PCDH9: variants seen among roughly 807,000 people sequenced by gnomAD.
PCDH9 encodes the protein protocadherin-9.
In PCDH9, 24 loss-of-function variants were observed where a neutral mutation model predicts 70.6. The observed-to-expected ratio is 0.34, with a 90% CI of 0.25 to 0.48. The LOEUF (loss-of-function observed/expected upper bound fraction) is 0.48, where lower values mean the gene tolerates loss of function less well. PCDH9 is among the 20% of genes least tolerant of loss of function. PCDH9 has a pLI of 0.99. For missense variants in PCDH9, 1,281 were observed against 1,503.6 expected (o/e 0.85, Z 2.45); for synonymous variants, 562 against 558.5 (o/e 1.01, Z -0.09).
intron 4 of PCDH9, among the ~76,000 whole-genome samples, chr13:66,434,665 T>C (rs942643207): frequency 4.6e-5 from 7 of 152,044 alleles, no homozygotes; most frequent in African/African-American, 1.7e-4. Context: ...TTAAAATATA[T>C]GTATGTTTGT....
intron 2 of PCDH9, among the ~76,000 whole-genome samples, chr13:66,982,797 T>G (rs1474761701): frequency 6.6e-6 from 1 of 152,180 alleles, no homozygotes; most frequent in Non-Finnish European, 1.5e-5. Context: ...GCTGGCAACA[T>G]TTGTTTCTTA....
chr13:67,202,999 A>G (rs2089254679), intron 2 of PCDH9: 1 of 152,122 alleles, frequency 6.6e-6, no homozygotes, highest in Non-Finnish European at 1.5e-5. Context: ...TTAATGAAGC[A>G]AATCTCTAGG....
At chr13:66,553,657 T>A (rs145380798) in intron 4 of PCDH9, among the ~76,000 whole-genome samples, 61 of 152,264 alleles carry the variant, frequency 4.0e-4, no homozygotes, top group African/African-American at 1.4e-3. Flanking sequence ...TTGTGTTAAA[T>A]TATTTGGAAA....
chr13:66,751,298 T>A (rs1310262566), intron 3 of PCDH9, among the ~76,000 whole-genome samples: 1 of 152,168 alleles, frequency 6.6e-6, no homozygotes, highest in Admixed American at 6.6e-5. Flanking sequence ...GATCTCCCAA[T>A]GACTTCAAAG....
chr13:67,183,614 C>T (rs1041389967), intron 2 of PCDH9, among the ~76,000 whole-genome samples: 3 of 151,844 alleles, frequency 2.0e-5, no homozygotes, highest in Non-Finnish European at 4.4e-5. Context: ...ACCAAAAAAC[C>T]AAATAAGATA....
chr13:66,932,704 A>G (rs1021336992), intron 2 of PCDH9, among the ~76,000 whole-genome samples: 4 of 149,838 alleles, frequency 2.7e-5, no homozygotes, highest in Non-Finnish European at 5.9e-5. Context: ...ACGTATGTAT[A>G]TATCATACAT....
intron 4 of PCDH9, among the ~76,000 whole-genome samples, chr13:66,558,912 T>A (rs1961867517): frequency 6.6e-6 from 1 of 152,152 alleles, no homozygotes; most frequent in African/African-American, 2.4e-5. Flanking sequence ...GTAAACCAAA[T>A]GGAAGAATTC....
chr13:66,871,774 C>G (rs2081693341), intron 3 of PCDH9, among the ~76,000 whole-genome samples: 1 of 152,084 alleles, frequency 6.6e-6, no homozygotes, highest in Non-Finnish European at 1.5e-5. Context: ...AATTTTCAGA[C>G]CTATTTCCCG....
chr13:66,501,236 G>C (rs777908172), intron 4 of PCDH9, among the ~76,000 whole-genome samples: 2 of 152,002 alleles, frequency 1.3e-5, no homozygotes, highest in Non-Finnish European at 2.9e-5. Context: ...TCAAGTTCTT[G>C]CACTGCTTTC....
chr13:67,163,247 C>T (rs895999108), intron 2 of PCDH9, among the ~76,000 whole-genome samples: 10 of 152,274 alleles, frequency 6.6e-5, no homozygotes, highest in Non-Finnish European at 1.2e-4. Context: ...AAATTGCATA[C>T]ATAACTTTCT....
At chr13:67,193,464 A>C (rs76441106) in intron 2 of PCDH9, among the ~76,000 whole-genome samples, 1 of 152,206 alleles carries the variant, frequency 6.6e-6, no homozygotes, top group East Asian at 1.9e-4. Flanking sequence ...AGGTTTCATT[A>C]TATTTAACAC....
intron 4 of PCDH9, among the ~76,000 whole-genome samples, chr13:66,609,572 T>C (rs1421386454): frequency 6.6e-6 from 1 of 152,134 alleles, no homozygotes; most frequent in Non-Finnish European, 1.5e-5. Flanking sequence ...ACTTTATATA[T>C]GCATTTGGCA....
intron 2 of PCDH9, among the ~76,000 whole-genome samples, chr13:66,973,422 C>A (rs780261446): frequency 6.6e-6 from 1 of 151,858 alleles, no homozygotes; most frequent in Non-Finnish European, 1.5e-5. Context: ...AAAGAATGCT[C>A]ATGAGACTAG....
chr13:66,606,831 A>T (rs944409571), intron 4 of PCDH9, among the ~76,000 whole-genome samples: 1 of 152,056 alleles, frequency 6.6e-6, no homozygotes, highest in East Asian at 1.9e-4. Context: ...TAATACCAAA[A>T]CCATCTAAAC....
At chr13:66,892,937 A>T (rs1388334258) in intron 3 of PCDH9, among the ~76,000 whole-genome samples, 2 of 152,120 alleles carry the variant, frequency 1.3e-5, no homozygotes, top group Non-Finnish European at 2.9e-5. Flanking sequence ...AAAATGGAGG[A>T]TTAACTGTAC....
chr13:66,726,716 T>C (rs1335617017), intron 3 of PCDH9, among the ~76,000 whole-genome samples: 1 of 152,200 alleles, frequency 6.6e-6, no homozygotes, highest in Admixed American at 6.5e-5. Flanking sequence ...TAAAGCACCA[T>C]TCATGTTGGT....
At chr13:67,070,713 T>A (rs2085745100) in intron 2 of PCDH9, among the ~76,000 whole-genome samples, 1 of 152,134 alleles carries the variant, frequency 6.6e-6, no homozygotes, top group African/African-American at 2.4e-5. Flanking sequence ...TCTTAATAGC[T>A]CTCCTTTTTA....
chr13:66,731,947 A>T (rs919966049), intron 3 of PCDH9, among the ~76,000 whole-genome samples: 1 of 151,990 alleles, frequency 6.6e-6, no homozygotes, highest in Non-Finnish European at 1.5e-5. Context: ...GGACCATAAG[A>T]ACCTCATCAT....
At chr13:66,464,180 A>G (rs1013109439) in intron 4 of PCDH9, among the ~76,000 whole-genome samples, 6 of 151,768 alleles carry the variant, frequency 4.0e-5, no homozygotes, top group African/African-American at 1.4e-4. Flanking sequence ...AAAGCAGCCC[A>G]TTAAGATAAA....
Sources: allele counts gnomAD v4.1 joint callset (sites outside exome capture counted in the v4.1 genomes callset), GRCh38; gene constraint gnomAD v4.1.1; transcripts MANE v1.5; gene names NCBI Gene and HGNC (gene_info 2026-07-23, HGNC 2026-07-21).